Variants in PPFIA2 observed in about 807,000 individuals in gnomAD.
PPFIA2 encodes the protein liprin-alpha-2.
PPFIA2 carries 46 observed loss-of-function variants against 175.5 expected under a neutral mutation model. The observed-to-expected ratio is 0.26, with a 90% CI of 0.21 to 0.34. PPFIA2 has a LOEUF of 0.34. Ranked by LOEUF, PPFIA2 falls within the 10% of genes least tolerant of loss-of-function variation. PPFIA2 has a pLI of 1.00. For missense variants in PPFIA2, 1,179 were observed against 1,506.1 expected (o/e 0.78, Z 3.60); for synonymous variants, 568 against 511.4 (o/e 1.11, Z -1.49).
chr12:81,712,306 T>A (rs1236116556), intron 3 of PPFIA2, among the ~76,000 whole-genome samples: 1 of 151,462 alleles, frequency 6.6e-6, no homozygotes, highest in Non-Finnish European at 1.5e-5. Context: ...TTGAGATTTA[T>A]ATAAATATGC....
intron 22 of PPFIA2, chr12:81,312,130 ATGTT>A (rs1566075618): frequency 9.1e-6 from 14 of 1,532,190 alleles, no homozygotes; most frequent in Non-Finnish European, 1.2e-5. Context: ...GAAAATAAAC[ATGTT>A]CAGCAGCCAT....
At chr12:81,556,998 A>T (rs1216877860) in intron 4 of PPFIA2, among the ~76,000 whole-genome samples, 1 of 151,916 alleles carries the variant, frequency 6.6e-6, no homozygotes, top group Admixed American at 6.6e-5. Flanking sequence ...AATATTTTTT[A>T]AAATATTTGT....
intron 3 of PPFIA2, among the ~76,000 whole-genome samples, chr12:81,733,471 T>C (rs1163655799): frequency 6.6e-6 from 1 of 151,590 alleles, no homozygotes; most frequent in Non-Finnish European, 1.5e-5. Context: ...TGTTAAGTGT[T>C]CTTACCACAA....
intron 4 of PPFIA2, among the ~76,000 whole-genome samples, chr12:81,630,500 G>A (rs12367706): frequency 0.055 from 8,443 of 152,162 alleles, 352 homozygotes; most frequent in East Asian, 0.22. Context: ...GGATACGGAA[G>A]GTATTGAGAA....
At position 81,277,428 on chromosome 12, in the gene PPFIA2, TAAAA is replaced by T; in HGVS notation, c.3213-18_3213-15del. ...TGTAAACTTGTTCTTTTTTTTTTAT[TAAAA>T]AAAAAAAAACACAGTGAGTCTACCT... is the stretch of plus-strand genomic sequence containing the variant. On this transcript the variant is annotated splice_polypyrimidine_tract_variant and intron_variant, in intron 27 of 32. Coordinates refer to ENST00000549396, the MANE Select transcript of PPFIA2 (RefSeq NM_003625.5). The T allele has an allele frequency of 1.7e-6, 2 of 1,161,264 alleles. No homozygotes were observed. Among genetic ancestry groups the T allele is most frequent in the Non-Finnish European group, 1.1e-6 (1 of 872,836 alleles). 71.9% of individuals were successfully genotyped at this position (1,161,264 alleles called of 1,614,324 possible). A position where few individuals can be genotyped will look rare whatever the true frequency, so the allele number is the denominator to read the frequency against.
At chr12:81,441,745 A>C (rs1258004027) in intron 6 of PPFIA2, among the ~76,000 whole-genome samples, 1 of 152,126 alleles carries the variant, frequency 6.6e-6, no homozygotes, top group Non-Finnish European at 1.5e-5. Flanking sequence ...TGTGATGTTT[A>C]ACAGGGATTC....
At chr12:81,747,258 T>G (rs1568114573) in intron 3 of PPFIA2, among the ~76,000 whole-genome samples, 1 of 143,968 alleles carries the variant, frequency 6.9e-6, no homozygotes, top group Non-Finnish European at 1.6e-5. Flanking sequence ...GGTATTAGGT[T>G]TCACAAAAAA....
intron 23 of PPFIA2, among the ~76,000 whole-genome samples, chr12:81,295,788 C>T (rs979201408): frequency 8.6e-5 from 13 of 151,758 alleles, no homozygotes; most frequent in African/African-American, 1.2e-4. Flanking sequence ...GTCAGGAGTT[C>T]GAGACCAGCC....
chr12:81,330,301 T>C (rs2055843391), intron 21 of PPFIA2, among the ~76,000 whole-genome samples: 1 of 152,204 alleles, frequency 6.6e-6, no homozygotes, highest in Non-Finnish European at 1.5e-5. Context: ...CAATTGCCTG[T>C]CCAACCTCTG....
chr12:81,572,629 C>T (rs953286382), intron 4 of PPFIA2, among the ~76,000 whole-genome samples: 1 of 151,906 alleles, frequency 6.6e-6, no homozygotes. Flanking sequence ...TTCTTTTGTG[C>T]AAACTAAATA....
intron 4 of PPFIA2, among the ~76,000 whole-genome samples, chr12:81,515,732 T>G (rs1198423033): frequency 6.6e-6 from 1 of 152,132 alleles, no homozygotes; most frequent in Non-Finnish European, 1.5e-5. Context: ...AACACTGGAT[T>G]ATTTAACAAT....
intron 4 of PPFIA2, among the ~76,000 whole-genome samples, chr12:81,547,602 C>CT (rs1490337501): frequency 1.3e-5 from 2 of 151,880 alleles, no homozygotes; most frequent in African/African-American, 2.4e-5. Flanking sequence ...CTCGAACTTA[C>CT]TGACTAAGTT....
chr12:81,745,991 C>A (rs1201024456), intron 3 of PPFIA2, among the ~76,000 whole-genome samples: 1 of 106,962 alleles, frequency 9.3e-6, no homozygotes, highest in East Asian at 3.3e-4. Flanking sequence ...TTTTCCAACT[C>A]AATCTTTGTA....
chr12:81,456,765 T>C (rs1048947446), intron 5 of PPFIA2, among the ~76,000 whole-genome samples: 3 of 152,176 alleles, frequency 2.0e-5, no homozygotes, highest in Non-Finnish European at 4.4e-5. Flanking sequence ...AAAGAAAATA[T>C]AGCATGTTTA....
chr12:81,658,548 T>G (rs1157754373), intron 4 of PPFIA2, among the ~76,000 whole-genome samples: 1 of 152,166 alleles, frequency 6.6e-6, no homozygotes, highest in African/African-American at 2.4e-5. Context: ...AAAAATCGTT[T>G]AACTTTATTG....
At chr12:81,696,045 T>C (rs2075857143) in intron 3 of PPFIA2, among the ~76,000 whole-genome samples, 1 of 152,210 alleles carries the variant, frequency 6.6e-6, no homozygotes, top group Non-Finnish European at 1.5e-5. Flanking sequence ...ACAAGAGCTT[T>C]AGGCCTAGGA....
At chr12:81,718,649 G>T (rs542906538) in intron 3 of PPFIA2, among the ~76,000 whole-genome samples, 2 of 151,750 alleles carry the variant, frequency 1.3e-5, no homozygotes, top group Admixed American at 1.3e-4. Context: ...AAAAGACAAG[G>T]ATAGAGTTCT....
intron 4 of PPFIA2, among the ~76,000 whole-genome samples, chr12:81,639,852 C>T (rs1368237664): frequency 6.6e-6 from 1 of 151,960 alleles, no homozygotes; most frequent in Non-Finnish European, 1.5e-5. Flanking sequence ...CAACCTCTGC[C>T]CTATGGTGAG....
intron 7 of PPFIA2, among the ~76,000 whole-genome samples, chr12:81,425,716 A>ACTCT (rs150460899): frequency 6.7e-6 from 1 of 148,826 alleles, no homozygotes; most frequent in East Asian, 2.0e-4. Flanking sequence ...CTTTTAAAAG[A>ACTCT]CTCTCTCTCT....
Sources: gnomAD v4.1 joint callset for allele counts (sites outside exome capture counted in the v4.1 genomes callset) on GRCh38, gnomAD v4.1.1 for gene constraint, MANE v1.5 for transcripts, NCBI Gene and HGNC (gene_info 2026-07-23, HGNC 2026-07-21) for gene names.